Variants in FRAS1 observed in about 807,000 individuals in gnomAD.
FRAS1 encodes Fraser extracellular matrix complex subunit 1.
In FRAS1, 290 loss-of-function variants were observed where a neutral mutation model predicts 435.2. The ratio of observed to expected loss-of-function variants is 0.67; its 90% CI spans 0.61 to 0.73. The LOEUF is 0.73. Ranked by LOEUF, FRAS1 falls within the 30% of genes least tolerant of loss-of-function variation. FRAS1 has a pLI of 0.00. For synonymous variants in FRAS1, 1,800 were observed against 1,851.0 expected (o/e 0.97, Z 0.71); for missense variants, 4,860 against 5,001.5 (o/e 0.97, Z 0.85).
At chr4:78,457,121 C>T (rs144645986) in intron 47 of FRAS1, among the ~76,000 whole-genome samples, 1 of 152,190 alleles carries the variant, frequency 6.6e-6, no homozygotes, top group Non-Finnish European at 1.5e-5. Flanking sequence ...AAGAAAAGAT[C>T]TTCTCTGATC....
At chr4:78,365,541 ATTAT>A (rs1731230106) in intron 22 of FRAS1, among the ~76,000 whole-genome samples, 1 of 152,180 alleles carries the variant, frequency 6.6e-6, no homozygotes, top group Non-Finnish European at 1.5e-5. Context: ...ATTGCATTGA[ATTAT>A]TTCTCTTCTG....
intron 6 of FRAS1, among the ~76,000 whole-genome samples, chr4:78,257,766 G>T (rs1477172214): frequency 1.3e-5 from 2 of 152,158 alleles, no homozygotes; most frequent in Non-Finnish European, 1.5e-5. Flanking sequence ...TTAAAAATTG[G>T]TGATAATCCT....
chr4:78,146,166 C>G (rs1454067240), intron 2 of FRAS1, among the ~76,000 whole-genome samples: 3 of 152,080 alleles, frequency 2.0e-5, no homozygotes. Context: ...GAATAATGTA[C>G]AGAGTCTTAA....
intron 18 of FRAS1, among the ~76,000 whole-genome samples, chr4:78,321,744 G>C (rs111415735): frequency 0.039 from 5,925 of 151,208 alleles, 375 homozygotes; most frequent in African/African-American, 0.13. Flanking sequence ...ACTTGGGAGG[G>C]TGAGGCAGGA....
chr4:78,222,582 T>C (rs1724102136), intron 2 of FRAS1, among the ~76,000 whole-genome samples: 1 of 152,150 alleles, frequency 6.6e-6, no homozygotes, highest in Non-Finnish European at 1.5e-5. Context: ...GGGGTGGCAA[T>C]TTAATTTTCT....
chr4:78,063,377 G>A (rs1275985459), intron 1 of FRAS1, among the ~76,000 whole-genome samples: 1 of 152,284 alleles, frequency 6.6e-6, no homozygotes, highest in East Asian at 1.9e-4. Context: ...TCTCAAGAGA[G>A]TAGAAATGAG....
rs1718841956 is a variant in FRAS1 at position 78,446,707 on chromosome 4, A to G, written c.5857-20A>G. ...TTCTTAAATATCTGTGTGAGATCTA[A>G]TAGTTTATGCTTTAATCAGAGGAAG... is the stretch of plus-strand genomic sequence containing the variant. On this transcript the variant is annotated intron_variant, in intron 42 of 73. Coordinates refer to ENST00000512123, the MANE Select transcript of FRAS1 (RefSeq NM_025074.7). 6.2e-7 allele frequency: 1 copy of G among 1,606,730 alleles called. No homozygotes were observed. The highest frequency in any genetic ancestry group is 8.5e-7 in the Non-Finnish European group (1 of 1,177,736).
intron 2 of FRAS1, among the ~76,000 whole-genome samples, chr4:78,184,671 A>G (rs1342604787): frequency 1.3e-5 from 2 of 152,338 alleles, no homozygotes; most frequent in African/African-American, 4.8e-5. Context: ...CAGGGAAGTC[A>G]GGAAGGGATG....
chr4:78,114,539 C>T (rs978831437), intron 2 of FRAS1, among the ~76,000 whole-genome samples: 23 of 151,938 alleles, frequency 1.5e-4, no homozygotes, highest in African/African-American at 5.6e-4. Flanking sequence ...TGAAGAGGTC[C>T]TTCATGTCCC....
chr4:78,313,227 CTTTG>C (rs1729103653), intron 15 of FRAS1, among the ~76,000 whole-genome samples: 1 of 152,112 alleles, frequency 6.6e-6, no homozygotes, highest in Non-Finnish European at 1.5e-5. Context: ...ATTTTCATTT[CTTTG>C]TTCCAGTCCT....
At chr4:78,212,990 A>T (rs953927899) in intron 2 of FRAS1, among the ~76,000 whole-genome samples, 1 of 152,228 alleles carries the variant, frequency 6.6e-6, no homozygotes, top group Non-Finnish European at 1.5e-5. Flanking sequence ...TTGGCCGTGC[A>T]TCTAGGCAAG....
chr4:78,120,658 T>A (rs1718957715), intron 2 of FRAS1, among the ~76,000 whole-genome samples: 4 of 152,034 alleles, frequency 2.6e-5, no homozygotes. Flanking sequence ...CTGTCCACAG[T>A]AAGGTCAGGA....
intron 4 of FRAS1, among the ~76,000 whole-genome samples, chr4:78,248,337 T>C (rs1205374217): frequency 6.6e-6 from 1 of 152,206 alleles, no homozygotes; most frequent in African/African-American, 2.4e-5. Context: ...ATACTTTTTT[T>C]TCTGTGCTTT....
intron 2 of FRAS1, among the ~76,000 whole-genome samples, chr4:78,121,694 C>G (rs907141443): frequency 6.6e-6 from 1 of 152,176 alleles, no homozygotes; most frequent in Non-Finnish European, 1.5e-5. Flanking sequence ...TACGCTTGAG[C>G]TCTATTTTAG....
chr4:78,391,865 G>C (rs1732457455), intron 29 of FRAS1, among the ~76,000 whole-genome samples: 1 of 152,070 alleles, frequency 6.6e-6, no homozygotes, highest in Admixed American at 6.6e-5. Flanking sequence ...GGACACAGTT[G>C]GTTTGATAAT....
chr4:78,270,068 G>A (rs1013005452), intron 9 of FRAS1, among the ~76,000 whole-genome samples: 1 of 152,128 alleles, frequency 6.6e-6, no homozygotes, highest in Admixed American at 6.5e-5. Flanking sequence ...CTCTTAAAAA[G>A]GAAAGAATTT....
chr4:78,281,094 A>G (rs922135538), intron 10 of FRAS1, among the ~76,000 whole-genome samples: 1 of 152,228 alleles, frequency 6.6e-6, no homozygotes, highest in Non-Finnish European at 1.5e-5. Context: ...ACCATGCAAA[A>G]TTCAAGAATT....
chr4:78,104,661 C>A (rs749737392), intron 2 of FRAS1, among the ~76,000 whole-genome samples: 20 of 152,078 alleles, frequency 1.3e-4, no homozygotes, highest in Non-Finnish European at 2.6e-4. Context: ...AAATTTATTG[C>A]AGAGCTGATA....
At chr4:78,231,307 T>G (rs1018829419) in intron 2 of FRAS1, among the ~76,000 whole-genome samples, 1 of 150,898 alleles carries the variant, frequency 6.6e-6, no homozygotes, top group Non-Finnish European at 1.5e-5. Context: ...TATATATATA[T>G]AAATTATATA....
Sources: allele counts gnomAD v4.1 joint callset (sites outside exome capture counted in the v4.1 genomes callset), GRCh38; gene constraint gnomAD v4.1.1; transcripts MANE v1.5; gene names NCBI Gene and HGNC (gene_info 2026-07-23, HGNC 2026-07-21).